The following AGBL1 variants were observed in gnomAD, a reference collection of about 807,000 sequenced individuals.
AGBL1 encodes cytosolic carboxypeptidase 4.
AGBL1 carries 130 observed loss-of-function variants against 118.9 expected under a neutral mutation model. That is an observed-to-expected ratio of 1.09 (90% CI 0.95 to 1.26). AGBL1 has a LOEUF of 1.26. Ranked by LOEUF, AGBL1 falls within the 50% of genes most tolerant of loss-of-function variation. The pLI, the probability that AGBL1 is intolerant of heterozygous loss-of-function variation, is 0.00. For synonymous variants in AGBL1, 555 were observed against 478.9 expected (o/e 1.16, Z -2.08); for missense variants, 1,584 against 1,298.1 (o/e 1.22, Z -3.38).
chr15:86,481,982 A>G (rs1387247369), intron 18 of AGBL1, among the ~76,000 whole-genome samples: 3 of 152,110 alleles, frequency 2.0e-5, no homozygotes. Context: ...TGAACAGAAA[A>G]AGTAATGTAT....
intron 22 of AGBL1, among the ~76,000 whole-genome samples, chr15:86,787,749 A>G (rs2078434886): frequency 6.6e-6 from 1 of 152,236 alleles, no homozygotes; most frequent in Non-Finnish European, 1.5e-5. Flanking sequence ...GGATATGTCC[A>G]GCAGAGAGAT....
chr15:86,582,323 G>T (rs1165019626), intron 21 of AGBL1, among the ~76,000 whole-genome samples: 1 of 152,088 alleles, frequency 6.6e-6, no homozygotes. Flanking sequence ...CAGGGTCAGG[G>T]AAATAGATTT....
At chr15:86,270,622 G>C (rs1264538310) in intron 14 of AGBL1, among the ~76,000 whole-genome samples, 1 of 152,178 alleles carries the variant, frequency 6.6e-6, no homozygotes, top group Non-Finnish European at 1.5e-5. Flanking sequence ...TTGCTGGGTG[G>C]CTTTGAATGA....
chr15:86,433,044 A>G (rs2081955036), intron 18 of AGBL1, among the ~76,000 whole-genome samples: 1 of 152,210 alleles, frequency 6.6e-6, no homozygotes, highest in Non-Finnish European at 1.5e-5. Flanking sequence ...AAAGTTCCCA[A>G]GGATGACTCA....
chr15:86,777,402 T>C (rs929433927), intron 22 of AGBL1, among the ~76,000 whole-genome samples: 3 of 150,194 alleles, frequency 2.0e-5, no homozygotes, highest in Non-Finnish European at 3.0e-5. Flanking sequence ...CCTTTCCTTC[T>C]TATTACAGTG....
chr15:86,539,586 A>C (rs902917216), intron 19 of AGBL1, among the ~76,000 whole-genome samples: 5 of 152,328 alleles, frequency 3.3e-5, no homozygotes, highest in Admixed American at 2.0e-4. Flanking sequence ...TAACGATCTG[A>C]CCACTGCCCA....
chr15:86,804,677 T>G (rs2078693925), intron 22 of AGBL1, among the ~76,000 whole-genome samples: 1 of 152,162 alleles, frequency 6.6e-6, no homozygotes, highest in Admixed American at 6.6e-5. Context: ...CTGTTTTTTC[T>G]TGCACAGAAA....
At chr15:86,506,546 C>T (rs2082979866) in intron 18 of AGBL1, among the ~76,000 whole-genome samples, 1 of 152,078 alleles carries the variant, frequency 6.6e-6, no homozygotes, top group Non-Finnish European at 1.5e-5. Flanking sequence ...AACACTCATC[C>T]AATAGCTTTT....
At chr15:86,224,847 G>T in intron 5 of AGBL1, 67 bp from the exon 6 acceptor site, 4 of 1,529,312 alleles carry the variant, frequency 2.6e-6, no homozygotes, top group Non-Finnish European at 3.6e-6. Flanking sequence ...CATGCTGGCT[G>T]TGGGATCCAT....
At chr15:86,776,171 G>A (rs2078252738) in intron 22 of AGBL1, among the ~76,000 whole-genome samples, 1 of 152,056 alleles carries the variant, frequency 6.6e-6, no homozygotes, top group African/African-American at 2.4e-5. Context: ...CATTCTAATG[G>A]CTGTATATGC....
chr15:86,491,953 C>A (rs924867135), intron 18 of AGBL1, among the ~76,000 whole-genome samples: 2 of 151,900 alleles, frequency 1.3e-5, no homozygotes, highest in African/African-American at 4.8e-5. Context: ...CAGACACTGG[C>A]CTAATACTAC....
intron 18 of AGBL1, among the ~76,000 whole-genome samples, chr15:86,472,502 A>G (rs1028504285): frequency 2.0e-5 from 3 of 152,198 alleles, no homozygotes; most frequent in Non-Finnish European, 2.9e-5. Context: ...ACATTATACA[A>G]TTTTACAGGT....
chr15:86,925,381 G>T (rs972899964), intron 23 of AGBL1, among the ~76,000 whole-genome samples: 1 of 152,094 alleles, frequency 6.6e-6, no homozygotes, highest in Non-Finnish European at 1.5e-5. Context: ...TTTGAGAACT[G>T]CTGTCCTAAC....
intron 22 of AGBL1, among the ~76,000 whole-genome samples, chr15:86,874,408 A>C (rs887932606): frequency 6.6e-6 from 1 of 150,708 alleles, no homozygotes; most frequent in South Asian, 2.1e-4. Flanking sequence ...ACACACACAC[A>C]CCCTGGGGCC....
At chr15:86,561,396 A>G (rs2142286592) in intron 21 of AGBL1, among the ~76,000 whole-genome samples, 1 of 152,302 alleles carries the variant, frequency 6.6e-6, no homozygotes, top group East Asian at 1.9e-4. Context: ...TTTTCCCAGC[A>G]CCATTTATTA....
intron 21 of AGBL1, among the ~76,000 whole-genome samples, chr15:86,617,760 G>GCGCACA (rs1190179367): frequency 3.5e-4 from 51 of 146,922 alleles, no homozygotes; most frequent in African/African-American, 1.2e-3. Flanking sequence ...AACTTTATGC[G>GCGCACA]CACACACACA....
At chr15:87,031,322 T>G (rs2081780387), downstream of AGBL1, among the ~76,000 whole-genome samples, 1 of 151,934 alleles carries the variant, frequency 6.6e-6, no homozygotes, top group Non-Finnish European at 1.5e-5. Flanking sequence ...AGAAGACATA[T>G]TAACAGAAAT....
At chr15:86,964,800 G>A (rs1193490647) in intron 23 of AGBL1, among the ~76,000 whole-genome samples, 1 of 151,586 alleles carries the variant, frequency 6.6e-6, no homozygotes, top group East Asian at 1.9e-4. Flanking sequence ...ACCCCTGACA[G>A]GCCCCGGTGT....
At chr15:86,102,347 C>G (rs192758172) in intron 1 of AGBL1, among the ~76,000 whole-genome samples, 3 of 152,184 alleles carry the variant, frequency 2.0e-5, no homozygotes, top group East Asian at 3.9e-4. Flanking sequence ...GGGCTCCTTT[C>G]TCTTCTTTAT....
Sources: gnomAD v4.1 joint callset for allele counts (sites outside exome capture counted in the v4.1 genomes callset) on GRCh38, gnomAD v4.1.1 for gene constraint, MANE v1.5 for transcripts, NCBI Gene and HGNC (gene_info 2026-07-23, HGNC 2026-07-21) for gene names.